Variants in ULK4 observed in about 807,000 individuals in gnomAD.
ULK4 encodes the protein inactive serine/threonine-protein kinase ULK4.
In ULK4, 133 loss-of-function variants were observed where a neutral mutation model predicts 160.6. That is an observed-to-expected ratio of 0.83 (90% CI 0.72 to 0.96). The LOEUF (loss-of-function observed/expected upper bound fraction) is 0.96, where lower values mean the gene tolerates loss of function less well. Among genes scored for constraint, ULK4 ranks in the 40% least tolerant of loss-of-function variants. The probability of loss-of-function intolerance (pLI) is 0.00; values close to 1 mark genes in which losing one functional copy is unlikely to be tolerated. For synonymous variants in ULK4, 534 were observed against 539.8 expected (o/e 0.99, Z 0.15); for missense variants, 1,580 against 1,499.5 (o/e 1.05, Z -0.89).
chr3:41,955,170 A>G (rs1413829851), intron 1 of ULK4, among the ~76,000 whole-genome samples: 1 of 152,136 alleles, frequency 6.6e-6, no homozygotes, highest in Non-Finnish European at 1.5e-5. Flanking sequence ...CGCGCCTGTA[A>G]TCCCAGCTAC....
At chr3:41,681,152 G>A (rs142284596) in intron 29 of ULK4, among the ~76,000 whole-genome samples, 32 of 152,246 alleles carry the variant, frequency 2.1e-4, no homozygotes, top group African/African-American at 6.0e-4. Flanking sequence ...TCTGAGTAGA[G>A]CCAGGAGAAG....
At chr3:41,327,988 T>C (rs1249273642) in intron 35 of ULK4, among the ~76,000 whole-genome samples, 1 of 152,184 alleles carries the variant, frequency 6.6e-6, no homozygotes, top group African/African-American at 2.4e-5. Flanking sequence ...AGAGGGACTA[T>C]ACTACTGACA....
chr3:41,904,203 C>A (rs2148795471), intron 12 of ULK4, among the ~76,000 whole-genome samples: 1 of 152,128 alleles, frequency 6.6e-6, no homozygotes, highest in Admixed American at 6.5e-5. Context: ...GAGGCCAAGG[C>A]CAGCAGATCA....
chr3:41,845,232 G>A (rs981172459), intron 17 of ULK4, among the ~76,000 whole-genome samples: 6 of 152,122 alleles, frequency 3.9e-5, no homozygotes, highest in African/African-American at 1.4e-4. Flanking sequence ...CCAAAGTGCT[G>A]GGATTACAGG....
At chr3:41,280,356 A>T (rs2079326983) in intron 35 of ULK4, among the ~76,000 whole-genome samples, 2 of 152,212 alleles carry the variant, frequency 1.3e-5, no homozygotes, top group African/African-American at 4.8e-5. Context: ...CAGAATATAC[A>T]TTCTTCTCAG....
chr3:41,459,992 T>C (rs2083646092), intron 33 of ULK4, among the ~76,000 whole-genome samples: 1 of 152,116 alleles, frequency 6.6e-6, no homozygotes, highest in South Asian at 2.1e-4. Context: ...CTCATCCGCA[T>C]TCAACAACCA....
intron 31 of ULK4, among the ~76,000 whole-genome samples, chr3:41,597,541 GAAAC>G (rs1168120763): frequency 6.6e-6 from 1 of 152,214 alleles, no homozygotes; most frequent in Admixed American, 6.5e-5. Flanking sequence ...AGTCCCTGGT[GAAAC>G]AAACAGTGAG....
At chr3:41,924,432 C>G (rs938495097) in intron 5 of ULK4, among the ~76,000 whole-genome samples, 1 of 152,222 alleles carries the variant, frequency 6.6e-6, no homozygotes, top group African/African-American at 2.4e-5. Flanking sequence ...CCTGGCCAAA[C>G]AGACTAACCT....
intron 17 of ULK4, among the ~76,000 whole-genome samples, chr3:41,862,798 C>G (rs565798147): frequency 7.5e-4 from 113 of 150,720 alleles, no homozygotes; most frequent in African/African-American, 2.5e-3. Context: ...CTCCCCCCCC[C>G]CTTTCTCTCT....
At chr3:41,405,526 G>A (rs933162052) in intron 34 of ULK4, among the ~76,000 whole-genome samples, 3 of 152,020 alleles carry the variant, frequency 2.0e-5, no homozygotes, top group Non-Finnish European at 4.4e-5. Context: ...CAGTAATTCT[G>A]CTTTAAGTTG....
At chr3:41,927,769 A>G (rs914536095) in intron 5 of ULK4, among the ~76,000 whole-genome samples, 5 of 152,152 alleles carry the variant, frequency 3.3e-5, no homozygotes. Context: ...AGGCCATTAC[A>G]TAATGGTAAA....
chr3:41,942,203 A>T (rs1014704462), intron 2 of ULK4, among the ~76,000 whole-genome samples: 1 of 152,220 alleles, frequency 6.6e-6, no homozygotes, highest in East Asian at 1.9e-4. Flanking sequence ...ACTTCATACC[A>T]AAAAATAATA....
chr3:41,433,707 A>C lies in ULK4; in HGVS notation c.3492+21790T>G, dbSNP rs549534202. 1.4e-4 allele frequency among the ~76,000 whole-genome samples: 20 copies of C among 147,558 alleles called. 1 individual carries two copies. In the Middle Eastern group the frequency reaches 0.021, roughly 152 times the overall value. On this transcript the variant is annotated intron_variant, in intron 34 of 36. Coordinates refer to ENST00000301831, the MANE Select transcript of ULK4 (RefSeq NM_017886.4). The stretch of plus-strand genomic sequence containing the variant: ...TCTCTAATCCTAAAATCCAAAACCT[A>C]AAATGCTCAAAAATCCCAAACTTTT...
chr3:41,938,258 G>C, intron 2 of ULK4, 61 bp from the exon 3 acceptor site: 1 of 1,284,826 alleles, frequency 7.8e-7, no homozygotes, highest in Middle Eastern at 1.9e-4. Context: ...CATCTACTGA[G>C]AAAAACCTAA....
At chr3:41,481,512 G>C (rs892612398) in intron 32 of ULK4, among the ~76,000 whole-genome samples, 1 of 152,176 alleles carries the variant, frequency 6.6e-6, no homozygotes, top group Admixed American at 6.5e-5. Context: ...GGAATGTCCT[G>C]ATATCCCACT....
chr3:41,648,440 C>T (rs1212591506), intron 30 of ULK4, among the ~76,000 whole-genome samples: 1 of 152,146 alleles, frequency 6.6e-6, no homozygotes, highest in Non-Finnish European at 1.5e-5. Flanking sequence ...ATAACAAGGC[C>T]TTAGGACAAT....
At chr3:41,788,137 A>G (rs542102203) in intron 21 of ULK4, among the ~76,000 whole-genome samples, 22 of 152,372 alleles carry the variant, frequency 1.4e-4, no homozygotes, top group African/African-American at 4.8e-4. Flanking sequence ...ATTTCTTAGC[A>G]GAATCTAAAT....
At chr3:41,362,561 C>G (rs943557621) in intron 35 of ULK4, among the ~76,000 whole-genome samples, 1 of 152,160 alleles carries the variant, frequency 6.6e-6, no homozygotes, top group Non-Finnish European at 1.5e-5. Context: ...CAAATCCTGG[C>G]TCCACCACTT....
intron 21 of ULK4, among the ~76,000 whole-genome samples, 177 bp downstream of exon 21, chr3:41,789,484 A>C (rs1422831642): frequency 2.6e-5 from 4 of 152,216 alleles, no homozygotes; most frequent in Non-Finnish European, 4.4e-5. Context: ...TTAATCACTA[A>C]AAGGCTCTTG....
Sources: allele counts gnomAD v4.1 joint callset (sites outside exome capture counted in the v4.1 genomes callset), GRCh38; gene constraint gnomAD v4.1.1; transcripts MANE v1.5; gene names NCBI Gene and HGNC (gene_info 2026-07-23, HGNC 2026-07-21).